The following GLG1 variants were observed in gnomAD, a reference collection of about 807,000 sequenced individuals.
GLG1 encodes golgi glycoprotein 1.
GLG1 carries 38 observed loss-of-function variants against 160.5 expected under a neutral mutation model. The ratio of observed to expected loss-of-function variants is 0.24; its 90% CI spans 0.18 to 0.31. The LOEUF (loss-of-function observed/expected upper bound fraction) is 0.31, where lower values mean the gene tolerates loss of function less well. Among genes scored for constraint, GLG1 ranks in the 10% least tolerant of loss-of-function variants. The pLI is 1.00. For missense variants in GLG1, 1,373 were observed against 1,505.2 expected, an observed-to-expected ratio of 0.91 and a Z score of 1.45; for synonymous variants, 644 against 543.4, an observed-to-expected ratio of 1.19 and a Z score of -2.57.
At position 74,452,460 on chromosome 16, in the gene GLG1, A is replaced by G. The variant is rs960889194; in HGVS notation, c.*707T>C. 2.8e-5 allele frequency: 31 copies of G among 1,089,284 alleles called. No individual in the cohort carries two copies. The highest frequency in any genetic ancestry group is 4.3e-4 in the Middle Eastern group (1 of 2,332). 67.5% of individuals were successfully genotyped at this position (1,089,284 alleles called of 1,614,324 possible). A position where few individuals can be genotyped will look rare whatever the true frequency, so the allele number is the denominator to read the frequency against. On this transcript the variant is annotated 3_prime_UTR_variant, in exon 26 of 26. Transcript: ENST00000422840. ...CTAGGAAGGCTCATGCTTTGCTTCA[A>G]TGAAGCGAGGAGACCACAGAAATAC...
chr16:74,590,872 A>G lies in GLG1; in HGVS notation c.438+15785T>C, dbSNP rs138796253. On this transcript the variant is annotated intron_variant, in intron 1 of 25. Transcript: ENST00000422840. ...ACACTAAAAGCTGCTATCAATACAC[A>G]TAAGTCAGGTTCTAACAAACCTACC... 4.3e-3 allele frequency among the ~76,000 whole-genome samples: 646 copies of G among 151,578 alleles called. 5 individuals carry two copies. The highest frequency in any genetic ancestry group is 0.015 in the African/African-American group (608 of 41,410).
At chr16:74,500,332 T>G (rs1242744757) in intron 4 of GLG1, among the ~76,000 whole-genome samples, 1 of 152,190 alleles carries the variant, frequency 6.6e-6, no homozygotes, top group Non-Finnish European at 1.5e-5. Flanking sequence ...CTTACAATAA[T>G]TTTTTGTTAA....
chr16:74,506,059 A>C, intron 3 of GLG1, among the ~76,000 whole-genome samples: 1 of 143,626 alleles, frequency 7.0e-6, no homozygotes. Flanking sequence ...AAAGAGGGCC[A>C]GGACTGTATT....
At chr16:74,462,276 AAAC>A (rs1014247193) in intron 21 of GLG1, 81 bp from the exon 22 acceptor site, 64 of 836,588 alleles carry the variant, frequency 7.7e-5, no homozygotes, top group Admixed American at 4.6e-4. Flanking sequence ...AAAAAAAAAC[AAAC>A]AACAACAACC....
intron 5 of GLG1, among the ~76,000 whole-genome samples, chr16:74,495,381 T>C (rs1352524649): frequency 6.6e-6 from 1 of 152,250 alleles, no homozygotes; most frequent in East Asian, 1.9e-4. Flanking sequence ...CCCAAAGTGC[T>C]GGGATTACAG....
intron 1 of GLG1, among the ~76,000 whole-genome samples, chr16:74,571,396 C>T (rs902649073): frequency 3.3e-5 from 5 of 152,216 alleles, no homozygotes; most frequent in Middle Eastern, 6.8e-3. Context: ...AGTTTGGGAC[C>T]GGGTACAGAG....
At chr16:74,481,727 G>A (rs1034335042) in intron 10 of GLG1, among the ~76,000 whole-genome samples, 10 of 152,148 alleles carry the variant, frequency 6.6e-5, no homozygotes, top group African/African-American at 9.7e-5. Flanking sequence ...GGGTCTCACC[G>A]TTAACATGCA....
intron 1 of GLG1, among the ~76,000 whole-genome samples, chr16:74,559,224 T>G (rs1364769466): frequency 6.6e-6 from 1 of 152,016 alleles, no homozygotes; most frequent in Non-Finnish European, 1.5e-5. Flanking sequence ...CTGCTTCATA[T>G]GACTTTTACT....
At chr16:74,555,523 CA>C (rs1455612983) in intron 1 of GLG1, among the ~76,000 whole-genome samples, 1 of 151,602 alleles carries the variant, frequency 6.6e-6, no homozygotes, top group Non-Finnish European at 1.5e-5. Context: ...CTCATCTCTA[CA>C]AAAAAATATT....
At chr16:74,583,917 A>G (rs186761221) in intron 1 of GLG1, among the ~76,000 whole-genome samples, 23 of 152,204 alleles carry the variant, frequency 1.5e-4, no homozygotes, top group Admixed American at 1.2e-3. Flanking sequence ...AGTAAATAAT[A>G]TTTACCCAAA....
chr16:74,507,599 G>C (rs1485269863), intron 3 of GLG1, among the ~76,000 whole-genome samples: 1 of 152,106 alleles, frequency 6.6e-6, no homozygotes, highest in African/African-American at 2.4e-5. Context: ...AGCCAGTCCT[G>C]GTGGCATGTG....
At chr16:74,465,545 G>T (rs914209539) in intron 19 of GLG1, 131 bp downstream of exon 19, 33 of 867,226 alleles carry the variant, frequency 3.8e-5, no homozygotes, top group Middle Eastern at 3.7e-4. Context: ...AGGCTCCCAG[G>T]GGGTGCTGCT....
rs184579718 is a variant in GLG1 at position 74,575,266 on chromosome 16, C to A, written c.438+31391G>T. Among the ~76,000 whole-genome samples the A allele has an allele frequency of 3.3e-5, 5 of 151,966 alleles. No individual in the cohort carries two copies. In the East Asian group the frequency reaches 9.7e-4, roughly 29 times the overall value. On this transcript the variant is annotated intron_variant, in intron 1 of 25. Transcript: ENST00000422840. ...ATCTGAAAAAAAGAACAAAAAAACACTGCACCTAACAGTTAATACAAATGA... is the reference window on the plus strand; with the variant it reads ...ATCTGAAAAAAAGAACAAAAAAACAATGCACCTAACAGTTAATACAAATGA...
At chr16:74,473,961 T>TTTTTTTC (rs1418484017) in intron 13 of GLG1, among the ~76,000 whole-genome samples, 9 of 151,798 alleles carry the variant, frequency 5.9e-5, no homozygotes, top group African/African-American at 2.2e-4. Flanking sequence ...CTATTTTTTT[T>TTTTTTTC]TTTTTTTTGA....
At chr16:74,473,211 C>CT (rs893994427) in intron 13 of GLG1, among the ~76,000 whole-genome samples, 56 of 148,880 alleles carry the variant, frequency 3.8e-4, no homozygotes, top group East Asian at 1.4e-3. Flanking sequence ...TCTAATCCCC[C>CT]TTTTTTTTTT....
chr16:74,500,858 A>G (rs1043632453), intron 4 of GLG1, among the ~76,000 whole-genome samples: 8 of 152,210 alleles, frequency 5.3e-5, no homozygotes, highest in African/African-American at 1.4e-4. Context: ...TATTATATAA[A>G]ATTCTAAAGC....
At position 74,480,351 on chromosome 16, in the gene GLG1, G is replaced by C; in HGVS notation, c.1717C>G (p.Arg573Gly). The C allele has an allele frequency of 6.2e-7, 1 of 1,613,540 alleles. No homozygotes were observed. Among genetic ancestry groups the C allele is most frequent in the Non-Finnish European group, 8.5e-7 (1 of 1,179,460 alleles). ...LYRKCQGDASRLCHTHGWNET... is the reference protein window; with the variant it reads ...LYRKCQGDASGLCHTHGWNET... ...TTCCAACCGTGGGTGTGGCAAAGAC[G>C]AGAAGCGTCTCCCTGGCACTTGCGG... Residue 573 changes from arginine (R) to glycine (G), a missense_variant, in exon 11 of 26, where the codon CGT (arginine) becomes GGT (glycine). This residue lies in a region of GLG1 where 386 missense variants were observed against 388.5 expected (regional missense o/e 0.99). Transcript: ENST00000422840.
intron 1 of GLG1, among the ~76,000 whole-genome samples, chr16:74,574,299 C>T (rs1270097571): frequency 6.6e-6 from 1 of 152,158 alleles, no homozygotes; most frequent in Non-Finnish European, 1.5e-5. Flanking sequence ...TAACGCTAAA[C>T]AGGTTTTCTG....
chr16:74,452,787 A>T lies in GLG1; in HGVS notation c.*380T>A. 1 of 995,992 alleles carries T rather than the reference A, an allele frequency of 1.0e-6. No homozygotes were observed. The highest frequency in any genetic ancestry group is 1.2e-6 in the Non-Finnish European group (1 of 835,918). 61.7% of individuals were successfully genotyped at this position (995,992 alleles called of 1,614,324 possible). A position where few individuals can be genotyped will look rare whatever the true frequency, so the allele number is the denominator to read the frequency against. On this transcript the variant is annotated 3_prime_UTR_variant, in exon 26 of 26. Transcript: ENST00000422840. ...GCCTGGAGGAGATGCGTTACTATATACATTTTTTTCTTTAAAAAAATTTTT... is the reference window on the plus strand; with the variant it reads ...GCCTGGAGGAGATGCGTTACTATATTCATTTTTTTCTTTAAAAAAATTTTT...
Sources: gnomAD v4.1 joint callset for allele counts (sites outside exome capture counted in the v4.1 genomes callset) on GRCh38, gnomAD v4.1.1 for gene constraint, gnomAD v4.1.1 regional missense constraint, MANE v1.5 for transcripts, NCBI Gene and HGNC (gene_info 2026-07-23, HGNC 2026-07-21) for gene names.